VAV1: variants seen among roughly 807,000 people sequenced by gnomAD.
VAV1 encodes proto-oncogene vav.
Under a neutral mutation model 128.1 loss-of-function variants are expected in VAV1, and 33 were observed. That is an observed-to-expected ratio of 0.26 (90% CI 0.20 to 0.34). VAV1 has a LOEUF of 0.34. VAV1 is among the 10% of genes least tolerant of loss of function. The pLI is 1.00. For missense variants in VAV1, 715 were observed against 1,093.7 expected (o/e 0.65, Z 4.88); for synonymous variants, 394 against 409.8 (o/e 0.96, Z 0.47).
chr19:6,847,459 T>C (rs946733334), intron 22 of VAV1, among the ~76,000 whole-genome samples: 1 of 152,184 alleles, frequency 6.6e-6, no homozygotes, highest in Non-Finnish European at 1.5e-5. Flanking sequence ...GTTTTAAGGC[T>C]CATCTCCATT....
At chr19:6,796,571 G>A (rs569748379) in intron 1 of VAV1, among the ~76,000 whole-genome samples, 3 of 152,048 alleles carry the variant, frequency 2.0e-5, no homozygotes, top group South Asian at 4.2e-4. Flanking sequence ...ACTAACCTCA[G>A]GGCTTCTTGT....
At chr19:6,853,581 A>T (rs995445255) in intron 25 of VAV1, among the ~76,000 whole-genome samples, 1 of 151,466 alleles carries the variant, frequency 6.6e-6, no homozygotes, top group African/African-American at 2.4e-5. Flanking sequence ...AAACATAAAA[A>T]TCAGCCGGGC....
intron 1 of VAV1, among the ~76,000 whole-genome samples, chr19:6,793,380 C>T (rs1971059749): frequency 6.6e-6 from 1 of 151,784 alleles, no homozygotes; most frequent in Admixed American, 6.6e-5. Context: ...CAAAAATGAC[C>T]CCAAAAGCAG....
chr19:6,812,003 A>T (rs953056690), intron 1 of VAV1, among the ~76,000 whole-genome samples: 2 of 152,076 alleles, frequency 1.3e-5, no homozygotes, highest in African/African-American at 4.8e-5. Context: ...TGGAGAAGTA[A>T]TTTCTCCTTA....
rs1568309757 is a variant in VAV1, at chr19:6,832,648, C to CCACCT, written c.1508+449_1508+450insACCTC. Among the ~76,000 whole-genome samples, 166 of 91,538 alleles carry CCACCT rather than the reference C, an allele frequency of 1.8e-3. 1 individual carries two copies. The highest frequency in any genetic ancestry group is 7.2e-3 in the Middle Eastern group (1 of 138). 60.1% of individuals were successfully genotyped at this position (91,538 alleles called of 152,430 possible). On this transcript the variant is annotated intron_variant, in intron 15 of 26. Transcript: ENST00000602142. ...TTCTTCCTCCTCCTCCCTTTCCTCC[C>CCACCT]CTTCTTCCTCCTCCTCCTCCTCTTC...
At position 6,824,902 on chromosome 19, in the gene VAV1, T is replaced by A. The variant is rs1036319885; in HGVS notation, c.655-151T>A. The A allele has an allele frequency of 3.7e-5, 32 of 861,414 alleles. No homozygotes were observed. The Admixed American group carries it at 4.6e-4, about 12-fold the overall frequency. The allele number at this position is 861,414 out of a possible 1,614,324, so 53.4% of individuals were successfully genotyped here. ...GTTTCCGCTTTTGGGTTATTATGAATAATTTCACTGTGAACATTCTTGTAC... is the reference window on the plus strand; with the variant it reads ...GTTTCCGCTTTTGGGTTATTATGAAAAATTTCACTGTGAACATTCTTGTAC... On this transcript the variant is annotated intron_variant, in intron 6 of 26. Transcript: ENST00000602142.
intron 1 of VAV1, among the ~76,000 whole-genome samples, chr19:6,780,255 G>A (rs1233154610): frequency 1.3e-5 from 2 of 150,190 alleles, no homozygotes; most frequent in Non-Finnish European, 3.0e-5. Context: ...GTAAAATGAG[G>A]ATGCTAAATC....
At chr19:6,827,029 A>G in intron 9 of VAV1, 1 of 332,242 alleles carries the variant, frequency 3.0e-6, no homozygotes, top group Non-Finnish European at 5.8e-6. Context: ...CTGAGCTCCC[A>G]CTTCTCACTG....
chr19:6,803,499 C>A (rs1269785891), intron 1 of VAV1, among the ~76,000 whole-genome samples: 2 of 152,152 alleles, frequency 1.3e-5, no homozygotes, highest in East Asian at 3.8e-4. Context: ...AGCCCCACCT[C>A]CAGAGTCAAG....
rs955345611 is a variant in VAV1, at chr19:6,779,807, A to G, written c.204+6796A>G. Reference sequence around the variant, plus strand: ...GTGAGCCACCGTGCCTGGCCCAATTATAGCTTCTAAAAAATAATAAAAGGC... The same window carrying G: ...GTGAGCCACCGTGCCTGGCCCAATTGTAGCTTCTAAAAAATAATAAAAGGC... On this transcript the variant is annotated intron_variant, in intron 1 of 26. Transcript: ENST00000602142. Among the ~76,000 whole-genome samples, 3 of 149,202 alleles carry G rather than the reference A, an allele frequency of 2.0e-5. 1 individual carries two copies. The highest frequency in any genetic ancestry group is 4.5e-5 in the Non-Finnish European group (3 of 66,786).
chr19:6,788,341 T>A (rs1714639910), intron 1 of VAV1, among the ~76,000 whole-genome samples: 1 of 127,368 alleles, frequency 7.9e-6, no homozygotes, highest in Admixed American at 9.3e-5. Flanking sequence ...TGAACATGAT[T>A]CTTTTTATTT....
Position 6,786,376 on chromosome 19 carries a change from C to T in VAV1, c.204+13365C>T, listed in dbSNP as rs557271956. Among the ~76,000 whole-genome samples, 24 of 152,226 alleles carry T rather than the reference C, an allele frequency of 1.6e-4. No individual in the cohort carries two copies. In the East Asian group the frequency reaches 3.1e-3, roughly 20 times the overall value. Reference sequence around the variant, plus strand: ...ACCCGGGAGGCTGAGATGGGAGGATCGCTTGAGCCCAGGAGTTTGAGGCTG... The same window carrying T: ...ACCCGGGAGGCTGAGATGGGAGGATTGCTTGAGCCCAGGAGTTTGAGGCTG... On this transcript the variant is annotated intron_variant, in intron 1 of 26. Transcript: ENST00000602142.
intron 8 of VAV1, 111 bp downstream of exon 8, chr19:6,825,517 G>C (rs1971897565): frequency 2.2e-6 from 2 of 892,682 alleles, no homozygotes; most frequent in Admixed American, 2.3e-5. Context: ...ACTTTTTGCT[G>C]TGTGTTCATG....
chr19:6,778,433 G>C (rs562419952), intron 1 of VAV1, among the ~76,000 whole-genome samples: 2 of 152,286 alleles, frequency 1.3e-5, no homozygotes, highest in South Asian at 4.1e-4. Context: ...GAGAGGGTGG[G>C]ACAGTTAGAG....
At chr19:6,819,691 A>G (rs933333201) in intron 1 of VAV1, among the ~76,000 whole-genome samples, 7 of 152,162 alleles carry the variant, frequency 4.6e-5, no homozygotes, top group Non-Finnish European at 8.8e-5. Context: ...CTTGGTCCAG[A>G]CTGACTTCAT....
chr19:6,800,325 T>TC (rs1283431027), intron 1 of VAV1, among the ~76,000 whole-genome samples: 2 of 151,544 alleles, frequency 1.3e-5, no homozygotes, highest in Non-Finnish European at 2.9e-5. Flanking sequence ...ATTTTTTTTT[T>TC]TTGAGATGGG....
rs1176914617 is a variant in VAV1, at chr19:6,779,955, C to CA, written c.204+6950dup. Among the ~76,000 whole-genome samples, 10 of 148,764 alleles carry CA rather than the reference C, an allele frequency of 6.7e-5. 1 individual carries two copies. The highest frequency in any genetic ancestry group is 1.4e-4 in the Non-Finnish European group (9 of 66,606). ...TGAAACCCCGTCTCTACTAAAAATA[C>CA]AAAAAATTAGCCGGGCGTGGTTGCG... On this transcript the variant is annotated intron_variant, in intron 1 of 26. Coordinates refer to ENST00000602142, the MANE Select transcript of VAV1 (RefSeq NM_005428.4).
At position 6,799,868 on chromosome 19, in the gene VAV1, GAAAGA is replaced by G. The variant is rs201612754; in HGVS notation, c.205-20825_205-20821del. Reference sequence around the variant, plus strand: ...TCAAAAAAAAAAAAAAAAAAAAAAGGAAAGAAAAGAAAACAGAATCAAGCTGCTAT... The same window carrying G: ...TCAAAAAAAAAAAAAAAAAAAAAAGGAAAGAAAACAGAATCAAGCTGCTAT... On this transcript the variant is annotated intron_variant, in intron 1 of 26. Transcript: ENST00000602142. Among the ~76,000 whole-genome samples the G allele has an allele frequency of 1.5e-3, 225 of 147,180 alleles. 5 individuals carry two copies. In the East Asian group the frequency reaches 0.04, roughly 26 times the overall value.
chr19:6,786,419 G>C (rs113104679), intron 1 of VAV1, among the ~76,000 whole-genome samples: 7,391 of 152,006 alleles, frequency 0.049, 302 homozygotes, highest in African/African-American at 0.11. Flanking sequence ...CTATGATCCT[G>C]CCACTGCACT....
Sources: gnomAD v4.1 joint callset for allele counts (sites outside exome capture counted in the v4.1 genomes callset) on GRCh38, gnomAD v4.1.1 for gene constraint, MANE v1.5 for transcripts, NCBI Gene and HGNC (gene_info 2026-07-23, HGNC 2026-07-21) for gene names.